Variants in ELMO1 observed in about 807,000 individuals in gnomAD.
The protein encoded by ELMO1 is engulfment and cell motility 1, also known as engulfment and cell motility protein 1.
A neutral mutation model predicts 98.9 loss-of-function variants in ELMO1; 26 were observed. The observed-to-expected ratio is 0.26, with a 90% CI of 0.19 to 0.36. The LOEUF (loss-of-function observed/expected upper bound fraction) is 0.36. Ranked by LOEUF, ELMO1 falls within the 10% of genes least tolerant of loss-of-function variation. The probability of loss-of-function intolerance (pLI) is 1.00; values close to 1 mark genes in which losing one functional copy is unlikely to be tolerated. For missense variants in ELMO1, 627 were observed against 935.2 expected, an observed-to-expected ratio of 0.67 and a Z score of 4.30; for synonymous variants, 346 against 346.0, an observed-to-expected ratio of 1.00 and a Z score of 0.00.
At chr7:37,050,609 A>AACACACACACACAC (rs60918785) in intron 15 of ELMO1, among the ~76,000 whole-genome samples, 28 of 129,602 alleles carry the variant, frequency 2.2e-4, no homozygotes, top group East Asian at 1.4e-3. Flanking sequence ...AGGTGCTCTG[A>AACACACACACACAC]ACACACACAC....
At chr7:37,143,220 T>C (rs529464726) in intron 13 of ELMO1, among the ~76,000 whole-genome samples, 2 of 152,114 alleles carry the variant, frequency 1.3e-5, no homozygotes, top group African/African-American at 2.4e-5. Flanking sequence ...GCACTGACAA[T>C]TGGGTAGCTT....
chr7:36,926,131 G>A (rs940374850), intron 16 of ELMO1, among the ~76,000 whole-genome samples: 3 of 152,114 alleles, frequency 2.0e-5, no homozygotes, highest in African/African-American at 4.8e-5. Context: ...TTTCCTGAAC[G>A]TGTTACATAA....
chr7:37,165,414 C>A (rs1349247499), intron 13 of ELMO1, among the ~76,000 whole-genome samples: 2 of 151,876 alleles, frequency 1.3e-5, no homozygotes, highest in Admixed American at 6.6e-5. Context: ...TGTCTTGTGC[C>A]AGTTTTCAAA....
At chr7:37,303,157 TG>T (rs1167347958) in intron 4 of ELMO1, among the ~76,000 whole-genome samples, 1 of 152,228 alleles carries the variant, frequency 6.6e-6, no homozygotes, top group Non-Finnish European at 1.5e-5. Context: ...TGCTAGACAC[TG>T]GGATAACCGA....
At chr7:37,124,309 A>G in intron 14 of ELMO1, among the ~76,000 whole-genome samples, 1 of 152,242 alleles carries the variant, frequency 6.6e-6, no homozygotes, top group East Asian at 1.9e-4. Context: ...AGAAAGAAAT[A>G]AAGGGTATTC....
intron 7 of ELMO1, among the ~76,000 whole-genome samples, chr7:37,240,040 TTTTC>T (rs1304583561): frequency 1.6e-5 from 2 of 127,480 alleles, no homozygotes; most frequent in Non-Finnish European, 3.3e-5. Flanking sequence ...TTCTTTTTTT[TTTTC>T]TTTTTTTTTT....
intron 1 of ELMO1, among the ~76,000 whole-genome samples, chr7:37,359,535 T>C (rs1402631715): frequency 1.3e-5 from 2 of 152,214 alleles, no homozygotes; most frequent in African/African-American, 4.8e-5. Flanking sequence ...GATTAACACA[T>C]TCAGTCCTCA....
At chr7:37,441,451 A>G (rs1435938659) in intron 1 of ELMO1, among the ~76,000 whole-genome samples, 1 of 152,224 alleles carries the variant, frequency 6.6e-6, no homozygotes, top group Non-Finnish European at 1.5e-5. Flanking sequence ...GACCTGCTAC[A>G]ATGTCCTGGT....
chr7:36,944,441 C>T (rs1003363113), intron 16 of ELMO1, among the ~76,000 whole-genome samples: 1 of 152,214 alleles, frequency 6.6e-6, no homozygotes, highest in African/African-American at 2.4e-5. Context: ...TGCTTGATTT[C>T]AAAGCCCACA....
chr7:37,327,110 G>A (rs2700998), intron 2 of ELMO1, among the ~76,000 whole-genome samples: 148,997 of 152,320 alleles, frequency 0.98, 72,979 homozygotes, highest in Middle Eastern at 1. Flanking sequence ...AAACTTCCTT[G>A]ATATCAGTCT....
At chr7:36,888,328 G>A (rs1262610569) in intron 17 of ELMO1, among the ~76,000 whole-genome samples, 1 of 152,154 alleles carries the variant, frequency 6.6e-6, no homozygotes, top group Non-Finnish European at 1.5e-5. Context: ...TCATGATAGA[G>A]TGAAATGGTT....
chr7:37,227,951 CAT>C (rs1466921385), intron 8 of ELMO1, among the ~76,000 whole-genome samples: 1 of 152,178 alleles, frequency 6.6e-6, no homozygotes, highest in East Asian at 1.9e-4. Flanking sequence ...TCTTCCTTGA[CAT>C]AAATAAACTA....
Position 37,383,228 on chromosome 7 carries a change from G to A in ELMO1, c.-73-40465C>T, listed in dbSNP as rs565437937. On this transcript the variant is annotated intron_variant, in intron 1 of 21. Transcript: ENST00000310758. Reference sequence around the variant, plus strand: ...CCAATCCAAGATTGCTTAGGGCATTGAGTTTTTCTGTGTCTTTAATCTCCT... The same window carrying A: ...CCAATCCAAGATTGCTTAGGGCATTAAGTTTTTCTGTGTCTTTAATCTCCT... Among the ~76,000 whole-genome samples the A allele has an allele frequency of 8.5e-5, 13 of 152,286 alleles. No individual in the cohort carries two copies. The South Asian group carries it at 2.5e-3, about 29-fold the overall frequency.
At position 37,170,924 on chromosome 7, in the gene ELMO1, T is replaced by C. The variant is rs552021328; in HGVS notation, c.1087-37690A>G. On this transcript the variant is annotated intron_variant, in intron 13 of 21. Transcript: ENST00000310758. ...CCTGGCTGAACTTTCATTTTATAAA[T>C]TTATTTTTCCCAGAAACTTTGTAGA... Among the ~76,000 whole-genome samples the C allele has an allele frequency of 2.0e-5, 3 of 152,310 alleles. No individual in the cohort carries two copies. In the East Asian group the frequency reaches 5.8e-4, roughly 29 times the overall value.
intron 13 of ELMO1, among the ~76,000 whole-genome samples, chr7:37,204,912 C>T (rs937291713): frequency 6.6e-6 from 1 of 152,208 alleles, no homozygotes; most frequent in African/African-American, 2.4e-5. Flanking sequence ...AATCCTATAG[C>T]TAGGCAGAAA....
chr7:37,396,651 A>G (rs1803311929), intron 1 of ELMO1, among the ~76,000 whole-genome samples: 1 of 152,242 alleles, frequency 6.6e-6, no homozygotes, highest in Admixed American at 6.5e-5. Flanking sequence ...AAATATCCCA[A>G]CCAACAGCAA....
intron 14 of ELMO1, among the ~76,000 whole-genome samples, chr7:37,110,752 G>GC (rs1244787332): frequency 1.3e-5 from 2 of 152,038 alleles, no homozygotes; most frequent in Admixed American, 6.5e-5. Flanking sequence ...GGGCTATGGG[G>GC]CCCCCCAGAC....
At chr7:37,168,770 G>A (rs1789931404) in intron 13 of ELMO1, among the ~76,000 whole-genome samples, 1 of 152,212 alleles carries the variant, frequency 6.6e-6, no homozygotes, top group South Asian at 2.1e-4. Flanking sequence ...TCCCAGTTAG[G>A]CTGCTCAGGG....
intron 16 of ELMO1, among the ~76,000 whole-genome samples, chr7:36,967,456 C>T (rs1165764862): frequency 6.6e-6 from 1 of 152,186 alleles, no homozygotes; most frequent in African/African-American, 2.4e-5. Context: ...GGCATCAGTG[C>T]TCGTCCTTGG....
Sources: allele counts gnomAD v4.1 joint callset (sites outside exome capture counted in the v4.1 genomes callset), GRCh38; gene constraint gnomAD v4.1.1; transcripts MANE v1.5; gene names NCBI Gene and HGNC (gene_info 2026-07-23, HGNC 2026-07-21).